The following SLIT2 variants were observed in gnomAD, a reference collection of about 807,000 sequenced individuals.
SLIT2 encodes slit homolog 2 protein.
In SLIT2, 41 loss-of-function variants were observed where a neutral mutation model predicts 185.7. The ratio of observed to expected loss-of-function variants is 0.22; its 90% confidence interval spans 0.17 to 0.29. SLIT2 has a LOEUF of 0.29. SLIT2 is among the 10% of genes least tolerant of loss of function. SLIT2 has a pLI of 1.00. For missense variants in SLIT2, 1,571 were observed against 1,909.0 expected (o/e 0.82, Z 3.30); for synonymous variants, 693 against 680.2 (o/e 1.02, Z -0.29).
intron 4 of SLIT2, among the ~76,000 whole-genome samples, chr4:20,386,453 A>C (rs1442370056): frequency 1.2e-4 from 18 of 152,208 alleles, no homozygotes; most frequent in Admixed American, 1.2e-3. Flanking sequence ...ACTATCTTAA[A>C]CATAAATAAC....
intron 5 of SLIT2, among the ~76,000 whole-genome samples, chr4:20,472,381 T>TAG (rs1303677434): frequency 6.5e-5 from 3 of 46,356 alleles, no homozygotes; most frequent in African/African-American, 2.2e-4. Context: ...TATATCTATA[T>TAG]ATATGTAGAT....
chr4:20,421,455 T>C (rs1487592648), intron 4 of SLIT2, among the ~76,000 whole-genome samples: 2 of 152,288 alleles, frequency 1.3e-5, no homozygotes, highest in Middle Eastern at 3.4e-3. Flanking sequence ...TCATTGTTGA[T>C]TTCCTGTTGA....
intron 4 of SLIT2, among the ~76,000 whole-genome samples, chr4:20,383,177 T>C (rs1472217282): frequency 6.6e-6 from 1 of 152,128 alleles, no homozygotes; most frequent in Non-Finnish European, 1.5e-5. Flanking sequence ...GTAGAAATAA[T>C]GGAAGAAAAT....
chr4:20,378,582 A>G (rs1198276332), intron 4 of SLIT2, among the ~76,000 whole-genome samples: 1 of 152,112 alleles, frequency 6.6e-6, no homozygotes, highest in Non-Finnish European at 1.5e-5. Context: ...AGTTGCTAGT[A>G]TTGTGCCCCA....
At chr4:20,351,025 G>A (rs1024155807) in intron 4 of SLIT2, among the ~76,000 whole-genome samples, 28 of 151,578 alleles carry the variant, frequency 1.8e-4, no homozygotes, top group African/African-American at 6.3e-4. Context: ...ATGTTTTTGA[G>A]GTTTGATATA....
At chr4:20,517,554 T>TA (rs1160481511) in intron 11 of SLIT2, among the ~76,000 whole-genome samples, 1 of 152,180 alleles carries the variant, frequency 6.6e-6, no homozygotes. Context: ...CTTTGATTTT[T>TA]AAAATGGTTT....
In SLIT2 at chr4:20,548,655, A is replaced by T. The variant is rs1723464131; in HGVS notation, c.2417+96A>T. On this transcript the variant is annotated intron_variant, in intron 23 of 36. Coordinates refer to ENST00000504154, the MANE Select transcript of SLIT2 (RefSeq NM_004787.4). The stretch of plus-strand genomic sequence containing the variant: ...ATTGCTATTGAACAAGACAGTCTCT[A>T]CCCTCAAGGAATGTTTCTATTGGGA... 3 of 742,068 alleles carry T rather than the reference A, an allele frequency of 4.0e-6. No homozygotes were observed. The Admixed American group carries it at 6.7e-5, about 16-fold the overall frequency. 46.0% of individuals were successfully genotyped at this position (742,068 alleles called of 1,614,324 possible). A position where few individuals can be genotyped will look rare whatever the true frequency, so the allele number is the denominator to read the frequency against.
At chr4:20,525,775 C>T (rs1170142529) in intron 15 of SLIT2, among the ~76,000 whole-genome samples, 1 of 152,032 alleles carries the variant, frequency 6.6e-6, no homozygotes, top group Non-Finnish European at 1.5e-5. Flanking sequence ...TCCAGAATTA[C>T]AATATAACTC....
intron 4 of SLIT2, among the ~76,000 whole-genome samples, chr4:20,339,919 TTGTCAAATTAATCTAAGGA>T (rs1720822655): frequency 1.3e-5 from 2 of 152,190 alleles, no homozygotes; most frequent in Non-Finnish European, 2.9e-5. Flanking sequence ...ACCTGACACA[TTGTCAAATTAATCTAAGGA>T]TCATTCTAAT....
At chr4:20,501,691 A>G (rs899175701) in intron 9 of SLIT2, among the ~76,000 whole-genome samples, 1 of 152,194 alleles carries the variant, frequency 6.6e-6, no homozygotes, top group Non-Finnish European at 1.5e-5. Context: ...TGTAAAATAC[A>G]TTTATAGATG....
At chr4:20,513,926 G>A (rs1308702937) in intron 11 of SLIT2, among the ~76,000 whole-genome samples, 1 of 152,216 alleles carries the variant, frequency 6.6e-6, no homozygotes, top group Non-Finnish European at 1.5e-5. Flanking sequence ...AAATATCACT[G>A]CTACTGGAGA....
In SLIT2 at chr4:20,595,821, C is replaced by T; in HGVS notation, c.3307C>T (p.Pro1103Ser). 6.2e-7 allele frequency: 1 copy of T among 1,613,508 alleles called. No homozygotes were observed. Among genetic ancestry groups the T allele is most frequent in the Non-Finnish European group, 8.5e-7 (1 of 1,179,572 alleles). The change falls in exon 31 of 37, where the codon CCC (proline) becomes TCC (serine). Residue 1103 changes from proline (P) to serine (S), a missense_variant. Physicochemically the swap from Pro to Ser is moderately conservative, Grantham distance 74 (BLOSUM62 -1). Coordinates refer to ENST00000504154, the MANE Select transcript of SLIT2 (RefSeq NM_004787.4). ...DAVNGYTCIC[P>S]EGYSGLFCEF... ...AGTGAACGGCTATACGTGCATATGC[C>T]CCGAAGGTTACAGGTAAAAGCAGAA...
chr4:20,332,167 A>G (rs750135045), intron 4 of SLIT2, among the ~76,000 whole-genome samples: 13 of 152,076 alleles, frequency 8.5e-5, no homozygotes, highest in Non-Finnish European at 1.5e-4. Context: ...TTCCTTTCCA[A>G]TCTGGATGTC....
chr4:20,375,378 T>C (rs557592278), intron 4 of SLIT2, among the ~76,000 whole-genome samples: 1 of 152,214 alleles, frequency 6.6e-6, no homozygotes, highest in African/African-American at 2.4e-5. Flanking sequence ...GCAAGGAATA[T>C]GTACACCTGT....
chr4:20,446,107 T>G (rs2148707483), intron 4 of SLIT2, among the ~76,000 whole-genome samples: 1 of 152,290 alleles, frequency 6.6e-6, no homozygotes. Context: ...CCCCCTTAAC[T>G]ACGGGTTAAT....
chr4:20,385,224 G>A (rs958699437), intron 4 of SLIT2, among the ~76,000 whole-genome samples: 3 of 152,074 alleles, frequency 2.0e-5, no homozygotes, highest in Non-Finnish European at 2.9e-5. Context: ...AAATCAAATG[G>A]CGAATGAACA....
chr4:20,493,630 G>T (rs749095378), intron 9 of SLIT2, among the ~76,000 whole-genome samples: 2 of 152,114 alleles, frequency 1.3e-5, no homozygotes, highest in African/African-American at 2.4e-5. Flanking sequence ...TGGAACCCCA[G>T]GTTTACCTAT....
At chr4:20,275,672 T>C (rs1392313790) in intron 4 of SLIT2, among the ~76,000 whole-genome samples, 2 of 152,174 alleles carry the variant, frequency 1.3e-5, no homozygotes, top group Non-Finnish European at 2.9e-5. Context: ...TTATTTCTCT[T>C]TACTTGGCTG....
intron 4 of SLIT2, among the ~76,000 whole-genome samples, chr4:20,300,514 C>G (rs1716935145): frequency 6.6e-6 from 1 of 151,942 alleles, no homozygotes; most frequent in Non-Finnish European, 1.5e-5. Flanking sequence ...AGCCTTAATT[C>G]CCTAGTTAGC....
Sources: gnomAD v4.1 joint callset for allele counts (sites outside exome capture counted in the v4.1 genomes callset) on GRCh38, gnomAD v4.1.1 for gene constraint, MANE v1.5 for transcripts, NCBI Gene and HGNC (gene_info 2026-07-23, HGNC 2026-07-21) for gene names.